Variants in MTFMT observed in about 807,000 individuals in gnomAD.
MTFMT encodes the protein methionyl-tRNA formyltransferase, mitochondrial.
Under a neutral mutation model 51.8 loss-of-function variants are expected in MTFMT, and 47 were observed. The ratio of observed to expected loss-of-function variants is 0.91; its 90% CI spans 0.72 to 1.16. MTFMT has a LOEUF of 1.16. Among genes scored for constraint, MTFMT ranks in the 50% most tolerant of loss-of-function variants. The pLI, the probability that MTFMT is intolerant of heterozygous loss-of-function variation, is 0.00. For missense variants in MTFMT, 512 were observed against 482.3 expected, an observed-to-expected ratio of 1.06 and a Z score of -0.58; for synonymous variants, 196 against 176.7, an observed-to-expected ratio of 1.11 and a Z score of -0.87.
In MTFMT at chr15:65,002,585, G is replaced by A. The variant is rs2086184961; in HGVS notation, c.*477C>T. The A allele has an allele frequency of 1.3e-5, 2 of 151,942 alleles. No homozygotes were observed. Among genetic ancestry groups the A allele is most frequent in the Non-Finnish European group, 2.9e-5 (2 of 68,006 alleles). The allele number at this position is 151,942 out of a possible 1,614,324, so 9.4% of individuals were successfully genotyped here. A position where few individuals can be genotyped will look rare whatever the true frequency, so the allele number is the denominator to read the frequency against. ...AAAAAAAAGCTGTTTTTTAACTACT[G>A]TTACATAAAAAGTGGAAAGTGAGGC... On this transcript the variant is annotated 3_prime_UTR_variant, in exon 9 of 9. Transcript: ENST00000220058.
In MTFMT at chr15:65,016,536, T is replaced by C; in HGVS notation, c.722-9A>G. ...AGCAGAAATCTTAGGGGCTACAAGA[T>C]AAAACCAAGAGCAAAAATGAACATC... is the stretch of plus-strand genomic sequence containing the variant. On this transcript the variant is annotated splice_polypyrimidine_tract_variant and intron_variant, in intron 5 of 8. Transcript: ENST00000220058. 2 of 1,594,502 alleles carry C rather than the reference T, an allele frequency of 1.3e-6. No homozygotes were observed. Among genetic ancestry groups the C allele is most frequent in the Non-Finnish European group, 1.7e-6 (2 of 1,163,004 alleles).
chr15:65,027,091 G>T, intron 1 of MTFMT, 51 bp from the exon 2 acceptor site: 1 of 1,350,304 alleles, frequency 7.4e-7, no homozygotes, highest in Non-Finnish European at 1.0e-6. Flanking sequence ...ATGACTCAAA[G>T]CTAAAACTAC....
At position 65,004,867 on chromosome 15, in the gene MTFMT, A is replaced by AAT; in HGVS notation, c.960_961dup (p.Leu321TyrfsTer15). ...TGAAAAACATACCTTGCAATAAACC[A>AAT]ATAGTATTTGTGACTGTTTGTGGTA... On this transcript the variant is annotated frameshift_variant, in exon 8 of 9. Transcript: ENST00000220058. LOFTEE classifies it high-confidence loss of function. 6.2e-7 allele frequency: 1 copy of AAT among 1,602,142 alleles called. No individual in the cohort carries two copies. The highest frequency in any genetic ancestry group is 8.5e-7 in the Non-Finnish European group (1 of 1,171,482).
intron 6 of MTFMT, chr15:65,015,951 G>A (rs1417116389): frequency 1.3e-5 from 2 of 152,472 alleles, no homozygotes; most frequent in African/African-American, 4.8e-5. Context: ...TCAATGAACT[G>A]AGAATTTAAC....
rs1368344450 is a variant in MTFMT at position 65,020,235 on chromosome 15, C to CT, written c.682dup (p.Ser228LysfsTer16). ...CTCCATTGGCTGCTGCCTTCCATTG[C>CT]TCAGACTTTCAGGCAAATTTTTCAA... On this transcript the variant is annotated frameshift_variant, in exon 5 of 9. Transcript: ENST00000220058. LOFTEE classifies it high-confidence loss of function. The CT allele has an allele frequency of 6.2e-7, 1 of 1,611,230 alleles. No homozygotes were observed. The highest frequency in any genetic ancestry group is 1.7e-5 in the Admixed American group (1 of 59,690).
Position 65,029,204 on chromosome 15 carries a change from G to A in MTFMT, c.209+201C>T, listed in dbSNP as rs546897166. ...GAGGCGGCGGGGAGTGAGGGGCGCA[G>A]ACCGCAGGTACTAGGCGCCCAAAGG... On this transcript the variant is annotated intron_variant, in intron 1 of 8. Coordinates refer to ENST00000220058, the MANE Select transcript of MTFMT (RefSeq NM_139242.4). 58 of 915,794 alleles carry A rather than the reference G, an allele frequency of 6.3e-5. No individual in the cohort carries two copies. The South Asian group carries it at 2.5e-3, about 40-fold the overall frequency. 56.7% of individuals were successfully genotyped at this position (915,794 alleles called of 1,614,324 possible).
intron 4 of MTFMT, 108 bp downstream of exon 4, chr15:65,021,406 T>G (rs2086373074): frequency 1.3e-6 from 1 of 775,056 alleles, no homozygotes; most frequent in African/African-American, 1.7e-5. Context: ...GAAATTACTC[T>G]TTTTTGTTTT....
chr15:65,008,181 ATTG>A (rs2086234364), intron 6 of MTFMT, among the ~76,000 whole-genome samples: 1 of 152,198 alleles, frequency 6.6e-6, no homozygotes. Context: ...ACCATACAGT[ATTG>A]TTAACTACAT....
intron 1 of MTFMT, among the ~76,000 whole-genome samples, chr15:65,027,596 T>G (rs72729007): frequency 1.3e-5 from 2 of 152,218 alleles, no homozygotes; most frequent in African/African-American, 4.8e-5. Flanking sequence ...AGGGATTTCC[T>G]GTGCATACAG....
intron 5 of MTFMT, among the ~76,000 whole-genome samples, chr15:65,018,192 C>T (rs1236938891): frequency 6.6e-6 from 1 of 151,008 alleles, no homozygotes; most frequent in Non-Finnish European, 1.5e-5. Flanking sequence ...TGAAACTTAA[C>T]TATGTATGAA....
At chr15:65,004,215 C>G (rs187354734) in intron 8 of MTFMT, among the ~76,000 whole-genome samples, 73 of 152,124 alleles carry the variant, frequency 4.8e-4, no homozygotes, top group African/African-American at 1.7e-3. Context: ...CGGGGTTTCT[C>G]TATGTTGGTC....
chr15:65,011,528 C>T (rs539576499), intron 6 of MTFMT, among the ~76,000 whole-genome samples: 145 of 119,066 alleles, frequency 1.2e-3, no homozygotes, highest in African/African-American at 4.5e-3. Context: ...CAGGGTCTCA[C>T]TTTGTCACCC....
At chr15:65,014,625 C>CTT (rs974654085) in intron 6 of MTFMT, among the ~76,000 whole-genome samples, 5 of 134,924 alleles carry the variant, frequency 3.7e-5, no homozygotes, top group Non-Finnish European at 1.6e-5. Context: ...CATGCCCGGT[C>CTT]TTTTTTTTTT....
In MTFMT at chr15:65,016,192, T is replaced by C. The variant is rs146232859; in HGVS notation, c.813+244A>G. 2.7e-3 allele frequency: 633 copies of C among 235,148 alleles called. 4 individuals are homozygous for C. The highest frequency in any genetic ancestry group is 0.014 in the African/African-American group (617 of 44,194). 14.6% of individuals were successfully genotyped at this position (235,148 alleles called of 1,614,324 possible). A position where few individuals can be genotyped will look rare whatever the true frequency, so the allele number is the denominator to read the frequency against. ...GAAGTAGGATAGTAAAACTTGGTTA[T>C]GTGAAACTGCAATATACATATATTT... On this transcript the variant is annotated intron_variant, in intron 6 of 8. Coordinates refer to ENST00000220058, the MANE Select transcript of MTFMT (RefSeq NM_139242.4).
In MTFMT at chr15:65,010,104, A is replaced by G. The variant is rs57091164; in HGVS notation, c.814-3913T>C. Among the ~76,000 whole-genome samples, 71 of 152,092 alleles carry G rather than the reference A, an allele frequency of 4.7e-4. 1 individual carries two copies. The East Asian group carries it at 0.014, about 29-fold the overall frequency. The stretch of plus-strand genomic sequence containing the variant: ...TCTCCCCTCACCTTAGCTACTCTCC[A>G]TCTTGCCAGCTATGCTCCAGCCACA... On this transcript the variant is annotated intron_variant, in intron 6 of 8. Coordinates refer to ENST00000220058, the MANE Select transcript of MTFMT (RefSeq NM_139242.4).
intron 4 of MTFMT, 125 bp downstream of exon 4, chr15:65,021,388 CA>C: frequency 1.5e-6 from 1 of 679,712 alleles, no homozygotes; most frequent in Non-Finnish European, 2.6e-6. Context: ...TTTAGGAAGC[CA>C]AAGATAGAAA....
At chr15:65,007,525 C>T (rs1460252391) in intron 6 of MTFMT, among the ~76,000 whole-genome samples, 1 of 152,108 alleles carries the variant, frequency 6.6e-6, no homozygotes, top group African/African-American at 2.4e-5. Flanking sequence ...AGGGTAATAA[C>T]CTTGTCGATA....
intron 3 of MTFMT, among the ~76,000 whole-genome samples, chr15:65,022,954 T>A (rs2140487102): frequency 6.6e-6 from 1 of 152,168 alleles, no homozygotes; most frequent in South Asian, 2.1e-4. Context: ...CCTCCCAAAG[T>A]TTAGGATTAC....
At position 65,029,511 on chromosome 15, in the gene MTFMT, C is replaced by T. The variant is rs781243751; in HGVS notation, c.103G>A (p.Glu35Lys). The T allele has an allele frequency of 7.2e-6, 11 of 1,530,886 alleles. No individual in the cohort carries two copies. The Admixed American group carries it at 1.0e-4, about 14-fold the overall frequency. 94.8% of individuals were successfully genotyped at this position (1,530,886 alleles called of 1,614,324 possible). Residue 35 changes from glutamate (E) to lysine (K), a missense_variant, in exon 1 of 9, where the codon GAG (glutamate) becomes AAG (lysine). By Grantham distance (56) the Glu-to-Lys change is moderately conservative (BLOSUM62 1). Transcript: ENST00000220058. ...CGGACTCTGGAGTCCCGGCAGTCCT[C>T]CCAGCCGAGTCGGGCCAGTGCTCGC... is the stretch of plus-strand genomic sequence containing the variant. ...QWRALARLGW[E>K]DCRDSRVREK...
Sources: allele counts gnomAD v4.1 joint callset (sites outside exome capture counted in the v4.1 genomes callset), GRCh38; gene constraint gnomAD v4.1.1; transcripts MANE v1.5; gene names NCBI Gene and HGNC (gene_info 2026-07-23, HGNC 2026-07-21).